ADAMTSL1: variants seen among roughly 807,000 people sequenced by gnomAD.
ADAMTSL1 encodes the protein ADAMTS-like protein 1.
In ADAMTSL1, 126 loss-of-function variants were observed where a neutral mutation model predicts 201.8. The ratio of observed to expected loss-of-function variants is 0.62; its 90% confidence interval spans 0.54 to 0.72. ADAMTSL1 has a LOEUF of 0.72. ADAMTSL1 is among the 30% of genes least tolerant of loss of function. The pLI is 0.00. For missense variants in ADAMTSL1, 2,679 were observed against 2,277.8 expected, an observed-to-expected ratio of 1.18 and a Z score of -3.59; for synonymous variants, 1,121 against 903.4, an observed-to-expected ratio of 1.24 and a Z score of -4.32.
chr9:18,699,894 T>G (rs1831821383), intron 13 of ADAMTSL1, among the ~76,000 whole-genome samples: 1 of 152,184 alleles, frequency 6.6e-6, no homozygotes, highest in Non-Finnish European at 1.5e-5. Context: ...CTGTCAGATG[T>G]TTTGAGGAGT....
At chr9:18,029,877 C>G (rs1820868914) in intron 1 of ADAMTSL1, among the ~76,000 whole-genome samples, 1 of 151,970 alleles carries the variant, frequency 6.6e-6, no homozygotes. Context: ...GAATGGTGAT[C>G]ATTAAAAAGT....
At position 18,152,756 on chromosome 9, in the gene ADAMTSL1, A is replaced by G. The variant is rs570132007; in HGVS notation, c.88-11106A>G. ...TGGAGTAGTGATGACAGAAGTCAGA[A>G]TGTAAAGAGCAAGAATGCAAAAAAA... On this transcript the variant is annotated intron_variant, in intron 1 of 29. Transcript: ENST00000680146. Among the ~76,000 whole-genome samples, 9 of 152,028 alleles carry G rather than the reference A, an allele frequency of 5.9e-5. No homozygotes were observed. The South Asian group carries it at 1.7e-3, about 28-fold the overall frequency.
At chr9:18,597,689 A>G (rs927989697) in intron 4 of ADAMTSL1, among the ~76,000 whole-genome samples, 5 of 152,250 alleles carry the variant, frequency 3.3e-5, no homozygotes, top group East Asian at 1.9e-4. Context: ...GCTAACTGGC[A>G]TACTTCCAAG....
At chr9:18,592,041 A>G (rs896785057) in intron 4 of ADAMTSL1, among the ~76,000 whole-genome samples, 2 of 152,206 alleles carry the variant, frequency 1.3e-5, no homozygotes, top group African/African-American at 4.8e-5. Context: ...CTGTTAACCA[A>G]TGCCGGCTGC....
chr9:18,325,728 T>C (rs953551481), intron 2 of ADAMTSL1, among the ~76,000 whole-genome samples: 4 of 151,802 alleles, frequency 2.6e-5, no homozygotes, highest in Non-Finnish European at 4.4e-5. Flanking sequence ...CTGAAGCCTC[T>C]TTTAAAAGGA....
At chr9:18,047,461 A>T (rs1821716009) in intron 1 of ADAMTSL1, among the ~76,000 whole-genome samples, 1 of 152,180 alleles carries the variant, frequency 6.6e-6, no homozygotes, top group Non-Finnish European at 1.5e-5. Context: ...AACTGTCAAT[A>T]ATACCAAGGC....
At chr9:18,887,351 CTGAT>C (rs1277948005) in intron 23 of ADAMTSL1, among the ~76,000 whole-genome samples, 3 of 152,170 alleles carry the variant, frequency 2.0e-5, no homozygotes, top group Admixed American at 2.0e-4. Context: ...TTCCTAGTCT[CTGAT>C]TGGAAAAATC....
chr9:18,205,843 C>T (rs988360521), intron 2 of ADAMTSL1, among the ~76,000 whole-genome samples: 2 of 151,944 alleles, frequency 1.3e-5, no homozygotes, highest in African/African-American at 4.8e-5. Context: ...CACCTGAGGT[C>T]AGGAGTTCGA....
chr9:18,034,376 A>C (rs1821104034), intron 1 of ADAMTSL1, among the ~76,000 whole-genome samples: 1 of 148,086 alleles, frequency 6.8e-6, no homozygotes, highest in East Asian at 2.0e-4. Flanking sequence ...CCTCCTTCAA[A>C]CTCTCCTCTC....
At chr9:18,215,086 A>G (rs575805074) in intron 2 of ADAMTSL1, among the ~76,000 whole-genome samples, 1 of 152,320 alleles carries the variant, frequency 6.6e-6, no homozygotes, top group East Asian at 1.9e-4. Context: ...GTTGAATGAG[A>G]TGGCGATTGG....
At chr9:18,499,262 C>T (rs1822705501) in intron 1 of ADAMTSL1, among the ~76,000 whole-genome samples, 1 of 152,218 alleles carries the variant, frequency 6.6e-6, no homozygotes, top group Admixed American at 6.5e-5. Flanking sequence ...GCCTCAGTAT[C>T]CACACACTAC....
chr9:18,537,893 A>AAT, intron 3 of ADAMTSL1, among the ~76,000 whole-genome samples: 1 of 141,722 alleles, frequency 7.1e-6, no homozygotes, highest in Admixed American at 6.8e-5. Context: ...AAAAAAAAAA[A>AAT]GAAGAAAGAA....
intron 2 of ADAMTSL1, among the ~76,000 whole-genome samples, chr9:18,371,650 C>G (rs1451066330): frequency 6.6e-6 from 1 of 152,164 alleles, no homozygotes; most frequent in African/African-American, 2.4e-5. Flanking sequence ...GCATGAAATA[C>G]ATGCCCCTAA....
At chr9:18,193,176 A>T (rs1275889295) in intron 2 of ADAMTSL1, among the ~76,000 whole-genome samples, 2 of 152,138 alleles carry the variant, frequency 1.3e-5, no homozygotes, top group Admixed American at 6.6e-5. Context: ...AGATTCAAAT[A>T]ACTTTCAAGA....
intron 2 of ADAMTSL1, among the ~76,000 whole-genome samples, chr9:18,324,267 T>C (rs1834737903): frequency 6.6e-6 from 1 of 152,050 alleles, no homozygotes; most frequent in African/African-American, 2.4e-5. Context: ...ATGGGAAAAA[T>C]GAACATTGAT....
chr9:18,680,564 T>A, intron 11 of ADAMTSL1, 48 bp downstream of exon 11: 1 of 1,595,824 alleles, frequency 6.3e-7, no homozygotes, highest in Non-Finnish European at 8.6e-7. Flanking sequence ...AGTCCACTCT[T>A]CCCTCTCATC....
At chr9:18,158,639 T>A (rs968664838) in intron 1 of ADAMTSL1, among the ~76,000 whole-genome samples, 4 of 152,074 alleles carry the variant, frequency 2.6e-5, no homozygotes, top group African/African-American at 9.7e-5. Context: ...TCAACATCTT[T>A]AATAAAGTTG....
chr9:18,122,097 A>G (rs539175125), intron 1 of ADAMTSL1, among the ~76,000 whole-genome samples: 1 of 152,280 alleles, frequency 6.6e-6, no homozygotes, highest in East Asian at 1.9e-4. Context: ...AAAGTTTCTT[A>G]CAAAGTTAAA....
At chr9:18,807,196 A>C (rs1009770986) in intron 20 of ADAMTSL1, among the ~76,000 whole-genome samples, 19 of 152,322 alleles carry the variant, frequency 1.2e-4, no homozygotes, top group African/African-American at 3.8e-4. Context: ...AAAACTTGGC[A>C]TATTCTCCTT....
Sources: gnomAD v4.1 joint callset for allele counts (sites outside exome capture counted in the v4.1 genomes callset) on GRCh38, gnomAD v4.1.1 for gene constraint, MANE v1.5 for transcripts, NCBI Gene and HGNC (gene_info 2026-07-23, HGNC 2026-07-21) for gene names.